DRD3: variants seen among roughly 807,000 people sequenced by gnomAD.
The protein encoded by DRD3 is dopamine receptor D3.
In DRD3, 19 loss-of-function variants were observed where a neutral mutation model predicts 36.3. The ratio of observed to expected loss-of-function variants is 0.52; its 90% CI spans 0.36 to 0.77. The LOEUF (loss-of-function observed/expected upper bound fraction) is 0.77. Among genes scored for constraint, DRD3 ranks in the 30% least tolerant of loss-of-function variants. The pLI is 0.00. For synonymous variants in DRD3, 195 were observed against 203.7 expected (o/e 0.96, Z 0.36); for missense variants, 465 against 505.3 (o/e 0.92, Z 0.77).
intron 2 of DRD3, among the ~76,000 whole-genome samples, chr3:114,167,573 T>A (rs1453292536): frequency 6.6e-6 from 1 of 152,202 alleles, no homozygotes; most frequent in Non-Finnish European, 1.5e-5. Context: ...CAGAGAATAC[T>A]GAAGCACGTC....
intron 2 of DRD3, among the ~76,000 whole-genome samples, chr3:114,169,567 T>C (rs1257999771): frequency 6.6e-6 from 1 of 152,052 alleles, no homozygotes; most frequent in African/African-American, 2.4e-5. Context: ...ACAGAGGGCA[T>C]AGTATTATGG....
Position 114,131,149 on chromosome 3 carries a change from C to T in DRD3, c.975G>A (p.Lys325=). The T allele has an allele frequency of 1.2e-6, 2 of 1,614,136 alleles. No homozygotes were observed. Among genetic ancestry groups the T allele is most frequent in the Non-Finnish European group, 1.7e-6 (2 of 1,179,956 alleles). ...CAATGGCCACCATTTGGGTTGCCTT[C>T]TTCTCCCGAAGTGGCACTCCCCGAG... ...LQPRGVPLRE[K]KATQMVAIVL... The change falls in exon 6 of 7, where the codon AAG becomes AAA. Residue 325 remains lysine, a synonymous_variant. Transcript: ENST00000383673.
intron 2 of DRD3, among the ~76,000 whole-genome samples, chr3:114,164,575 T>A (rs1217696680): frequency 6.6e-6 from 1 of 152,110 alleles, no homozygotes; most frequent in Non-Finnish European, 1.5e-5. Context: ...GAGTAATAAG[T>A]CCCTCAAGTG....
intron 2 of DRD3, among the ~76,000 whole-genome samples, chr3:114,169,031 T>C (rs2077813874): frequency 7.4e-6 from 1 of 135,124 alleles, no homozygotes; most frequent in African/African-American, 2.8e-5. Flanking sequence ...ATTGCACCCT[T>C]TTCTTTTCCA....
At chr3:114,172,678 C>A (rs962757282) in intron 1 of DRD3, among the ~76,000 whole-genome samples, 9 of 152,110 alleles carry the variant, frequency 5.9e-5, no homozygotes, top group Non-Finnish European at 2.9e-5. Context: ...AACTCTGGGA[C>A]CTTATGCATA....
rs1358681849 is a variant in DRD3, at chr3:114,142,068, A to AAAAAG, written c.527-2377_527-2373dup. 2.2e-3 allele frequency among the ~76,000 whole-genome samples: 314 copies of AAAAAG among 142,772 alleles called. 8 individuals are homozygous for AAAAAG. The highest frequency in any genetic ancestry group is 3.6e-3 in the African/African-American group (131 of 36,136). 93.7% of individuals were successfully genotyped at this position (142,772 alleles called of 152,430 possible). A position where few individuals can be genotyped will look rare whatever the true frequency, so the allele number is the denominator to read the frequency against. ...CTCTCAAAAAAAAAAAAAAAAAAAAAAAAAGAAAAGAAAAGAAAATGGCTC... is the reference window on the plus strand; with the variant it reads ...CTCTCAAAAAAAAAAAAAAAAAAAAAAAAAGAAAAGAAAAGAAAAGAAAATGGCTC... On this transcript the variant is annotated intron_variant, in intron 4 of 6. Coordinates refer to ENST00000383673, the MANE Select transcript of DRD3 (RefSeq NM_000796.6).
At chr3:114,130,485 C>T (rs1005200903) in intron 6 of DRD3, among the ~76,000 whole-genome samples, 3 of 144,854 alleles carry the variant, frequency 2.1e-5, no homozygotes, top group Non-Finnish European at 3.0e-5. Context: ...AGTGCAGTGG[C>T]GTGATCTTGG....
rs139195368 is a variant in DRD3, at chr3:114,136,009, T to C, written c.723+3491A>G. 3.3e-3 allele frequency among the ~76,000 whole-genome samples: 507 copies of C among 152,280 alleles called. 3 individuals are homozygous for C. The highest frequency in any genetic ancestry group is 0.012 in the African/African-American group (483 of 41,542). On this transcript the variant is annotated intron_variant, in intron 5 of 6. Coordinates refer to ENST00000383673, the MANE Select transcript of DRD3 (RefSeq NM_000796.6). ...CGCGGCCCCAAGATTATGTTTACAA[T>C]TAAACTGGCACCTACTGATCTTCTT...
intron 4 of DRD3, among the ~76,000 whole-genome samples, chr3:114,142,755 G>A (rs1430239458): frequency 1.3e-5 from 2 of 152,132 alleles, no homozygotes; most frequent in Non-Finnish European, 2.9e-5. Context: ...AGAGAGTTGA[G>A]AGGGCATATA....
intron 4 of DRD3, among the ~76,000 whole-genome samples, chr3:114,144,102 T>C (rs958611594): frequency 5.9e-5 from 9 of 152,242 alleles, no homozygotes; most frequent in African/African-American, 2.2e-4. Context: ...AAGGCAACCC[T>C]GGCCAGCCAG....
At chr3:114,192,625 C>A (rs1286775033) in intron 1 of DRD3, among the ~76,000 whole-genome samples, 1 of 152,206 alleles carries the variant, frequency 6.6e-6, no homozygotes, top group African/African-American at 2.4e-5. Context: ...GCTCATACAA[C>A]AATTACCTCT....
At chr3:114,196,318 A>G (rs944304580) in intron 1 of DRD3, among the ~76,000 whole-genome samples, 1 of 151,674 alleles carries the variant, frequency 6.6e-6, no homozygotes, top group African/African-American at 2.4e-5. Flanking sequence ...CTACTTTTTC[A>G]TTTTTATTTT....
At chr3:114,190,128 A>G (rs1426008330) in intron 1 of DRD3, among the ~76,000 whole-genome samples, 1 of 152,086 alleles carries the variant, frequency 6.6e-6, no homozygotes, top group East Asian at 1.9e-4. Context: ...AGATAGAGCC[A>G]GTATCACAAA....
chr3:114,169,772 T>C (rs2077822046), intron 2 of DRD3, among the ~76,000 whole-genome samples: 2 of 152,168 alleles, frequency 1.3e-5, no homozygotes, highest in African/African-American at 4.8e-5. Context: ...AGGGGTGCCA[T>C]GGATTTCTAG....
Position 114,187,485 on chromosome 3 carries a change from A to T in DRD3, c.-155-8709T>A, listed in dbSNP as rs562063558. 2.6e-5 allele frequency among the ~76,000 whole-genome samples: 4 copies of T among 152,338 alleles called. No homozygotes were observed. The East Asian group carries it at 7.7e-4, about 29-fold the overall frequency. On this transcript the variant is annotated intron_variant, in intron 1 of 7. Transcript: ENST00000460779. ...AGGACTTTGTATGTTAATGAGAATAATCTTGAATTCAATGAAGCTTTTGTT... is the reference window on the plus strand; with the variant it reads ...AGGACTTTGTATGTTAATGAGAATATTCTTGAATTCAATGAAGCTTTTGTT...
At chr3:114,188,624 G>A (rs2107902726) in intron 1 of DRD3, among the ~76,000 whole-genome samples, 1 of 152,328 alleles carries the variant, frequency 6.6e-6, no homozygotes, top group East Asian at 1.9e-4. Context: ...ACATCCAGAG[G>A]TGGAGAATGA....
chr3:114,134,086 C>A (rs1399600523), intron 5 of DRD3, among the ~76,000 whole-genome samples: 1 of 152,172 alleles, frequency 6.6e-6, no homozygotes, highest in Non-Finnish European at 1.5e-5. Flanking sequence ...CACCTGACAG[C>A]TTTCCAGTAA....
chr3:114,131,528 A>G, intron 5 of DRD3, 128 bp from the exon 6 acceptor site: 2 of 1,287,710 alleles, frequency 1.6e-6, no homozygotes, highest in Non-Finnish European at 2.1e-6. Flanking sequence ...CTACAAAGGG[A>G]ACATCTGAGG....
chr3:114,155,228 A>G (rs931185731), intron 3 of DRD3, among the ~76,000 whole-genome samples: 1 of 152,206 alleles, frequency 6.6e-6, no homozygotes. Context: ...CATCACATGA[A>G]CAGAATGTAA....
Sources: allele counts gnomAD v4.1 joint callset (sites outside exome capture counted in the v4.1 genomes callset), GRCh38; gene constraint gnomAD v4.1.1; transcripts MANE v1.5; gene names NCBI Gene and HGNC (gene_info 2026-07-23, HGNC 2026-07-21).